Variants in GON4L observed in about 807,000 individuals in gnomAD.
The protein encoded by GON4L is GON-4-like protein.
GON4L carries 87 observed loss-of-function variants against 211.8 expected under a neutral mutation model. The observed-to-expected ratio is 0.41, with a 90% confidence interval of 0.35 to 0.49. The LOEUF is 0.49. GON4L is among the 20% of genes least tolerant of loss of function. The pLI, the probability that GON4L is intolerant of heterozygous loss-of-function variation, is 0.15. For missense variants in GON4L, 2,155 were observed against 2,659.5 expected, an observed-to-expected ratio of 0.81 and a Z score of 4.17; for synonymous variants, 875 against 962.6, an observed-to-expected ratio of 0.91 and a Z score of 1.68.
intron 2 of GON4L, among the ~76,000 whole-genome samples, chr1:155,846,866 C>T (rs1671296545): frequency 6.6e-6 from 1 of 151,974 alleles, no homozygotes; most frequent in Admixed American, 6.6e-5. Context: ...CAAAAATTAG[C>T]TTGGCATGGT....
At chr1:155,788,987 GT>G (rs1665240405) in intron 12 of GON4L, among the ~76,000 whole-genome samples, 2 of 151,778 alleles carry the variant, frequency 1.3e-5, no homozygotes. Context: ...CTACTCGGGA[GT>G]CTGAGGCAGG....
chr1:155,760,048 G>A (rs926047577), intron 24 of GON4L, among the ~76,000 whole-genome samples: 3 of 148,782 alleles, frequency 2.0e-5, no homozygotes, highest in African/African-American at 7.4e-5. Context: ...TAAGCTCCAC[G>A]AGGGCAGGAA....
intron 2 of GON4L, among the ~76,000 whole-genome samples, chr1:155,851,080 C>T (rs1162778254): frequency 4.3e-4 from 52 of 120,490 alleles, no homozygotes; most frequent in African/African-American, 1.6e-3. Context: ...AAGGGCCGGG[C>T]GCGGTGGCAC....
At chr1:155,809,815 TTA>T (rs1305421916) in intron 10 of GON4L, among the ~76,000 whole-genome samples, 6 of 20,130 alleles carry the variant, frequency 3.0e-4, no homozygotes, top group Admixed American at 9.2e-4. Flanking sequence ...AATTATATAC[TTA>T]TATATAATTA....
intron 19 of GON4L, among the ~76,000 whole-genome samples, chr1:155,769,400 T>G (rs1381659291): frequency 6.6e-6 from 1 of 152,052 alleles, no homozygotes; most frequent in African/African-American, 2.4e-5. Context: ...TCCAACACAG[T>G]AAGAGGCAAA....
chr1:155,786,053 G>A (rs988300890), intron 12 of GON4L, among the ~76,000 whole-genome samples: 1 of 151,872 alleles, frequency 6.6e-6, no homozygotes, highest in Admixed American at 6.6e-5. Context: ...CCAAGACTGC[G>A]CCACTGCACT....
At chr1:155,834,469 T>G (rs573244267) in intron 2 of GON4L, among the ~76,000 whole-genome samples, 2 of 152,246 alleles carry the variant, frequency 1.3e-5, no homozygotes, top group Non-Finnish European at 2.9e-5. Flanking sequence ...CTTACTAAAC[T>G]TCAATCTCAG....
In GON4L at chr1:155,770,985, C is replaced by T. The variant is rs1379556913; in HGVS notation, c.2646+82G>A. The T allele has an allele frequency of 1.7e-5, 26 of 1,575,490 alleles. No homozygotes were observed. The South Asian group carries it at 2.4e-4, about 15-fold the overall frequency. On this transcript the variant is annotated intron_variant, in intron 19 of 31. Transcript: ENST00000368331. ...ATTAGCTTTAGATAAAAGAAGGTTCCTCTTTTCTTTGAGAATAACAAGATA... is the reference window on the plus strand; with the variant it reads ...ATTAGCTTTAGATAAAAGAAGGTTCTTCTTTTCTTTGAGAATAACAAGATA...
intron 11 of GON4L, among the ~76,000 whole-genome samples, chr1:155,800,064 G>T (rs1015839557): frequency 6.6e-6 from 1 of 152,168 alleles, no homozygotes; most frequent in African/African-American, 2.4e-5. Flanking sequence ...GCCAGGCGTG[G>T]TGGCACATGC....
intron 12 of GON4L, among the ~76,000 whole-genome samples, chr1:155,790,632 C>T (rs528698870): frequency 6.6e-6 from 1 of 152,026 alleles, no homozygotes; most frequent in South Asian, 2.1e-4. Flanking sequence ...ATATGAAAGG[C>T]GCACAGTTTA....
At chr1:155,846,684 T>G (rs1251869594) in intron 2 of GON4L, 1 of 152,014 alleles carries the variant, frequency 6.6e-6, no homozygotes, top group Non-Finnish European at 1.5e-5. Context: ...AGCGTGCTAC[T>G]GGGGGGTTCT....
intron 8 of GON4L, 86 bp downstream of exon 8, chr1:155,815,719 C>A: frequency 2.5e-6 from 2 of 807,048 alleles, no homozygotes; most frequent in South Asian, 1.4e-5. Flanking sequence ...AACCATGTCT[C>A]AATCCTCTCT....
At chr1:155,790,815 G>A (rs1476954895) in intron 12 of GON4L, among the ~76,000 whole-genome samples, 6 of 151,718 alleles carry the variant, frequency 4.0e-5, no homozygotes, top group Admixed American at 6.6e-5. Flanking sequence ...ATGGTGGCGC[G>A]TGACTATAAT....
intron 16 of GON4L, 84 bp downstream of exon 16, chr1:155,776,311 T>C: frequency 3.1e-6 from 3 of 960,070 alleles, no homozygotes. Context: ...AAATATAGAT[T>C]ATGATCAGTG....
At chr1:155,820,221 T>C (rs1668614464) in intron 6 of GON4L, among the ~76,000 whole-genome samples, 1 of 152,206 alleles carries the variant, frequency 6.6e-6, no homozygotes, top group Non-Finnish European at 1.5e-5. Flanking sequence ...GCCAAAAGTA[T>C]GCATTTTTAA....
chr1:155,754,110 T>A (rs1660896556), intron 28 of GON4L: 1 of 493,400 alleles, frequency 2.0e-6, no homozygotes, highest in Non-Finnish European at 3.7e-6. Context: ...GAGGTTTATT[T>A]CATTTTCTAA....
At chr1:155,852,714 G>A (rs942651587) in intron 2 of GON4L, among the ~76,000 whole-genome samples, 3 of 152,186 alleles carry the variant, frequency 2.0e-5, no homozygotes, top group Admixed American at 6.5e-5. Context: ...CTGCACCCTG[G>A]CCTGGGTGAC....
At chr1:155,833,118 T>A (rs888506495) in intron 2 of GON4L, among the ~76,000 whole-genome samples, 1 of 152,176 alleles carries the variant, frequency 6.6e-6, no homozygotes, top group Non-Finnish European at 1.5e-5. Context: ...ATATCACAGA[T>A]AATACTAAAC....
At chr1:155,830,813 C>G (rs1314717021) in intron 2 of GON4L, among the ~76,000 whole-genome samples, 1 of 152,104 alleles carries the variant, frequency 6.6e-6, no homozygotes, top group Non-Finnish European at 1.5e-5. Context: ...GTCTTGAACT[C>G]CTGGCCTTAA....
Sources: gnomAD v4.1 joint callset for allele counts (sites outside exome capture counted in the v4.1 genomes callset) on GRCh38, gnomAD v4.1.1 for gene constraint, MANE v1.5 for transcripts, NCBI Gene and HGNC (gene_info 2026-07-23, HGNC 2026-07-21) for gene names.